Variants in RSRC1 observed in about 807,000 individuals in gnomAD.
The protein encoded by RSRC1 is serine/Arginine-related protein 53.
A neutral mutation model predicts 49.1 loss-of-function variants in RSRC1; 39 were observed. The ratio of observed to expected loss-of-function variants is 0.79; its 90% confidence interval spans 0.61 to 1.04. The LOEUF is 1.04. Ranked by LOEUF, RSRC1 falls within the 50% of genes least tolerant of loss-of-function variation. The pLI, the probability that RSRC1 is intolerant of heterozygous loss-of-function variation, is 0.00. For synonymous variants in RSRC1, 143 were observed against 130.8 expected (o/e 1.09, Z -0.63); for missense variants, 388 against 402.4 (o/e 0.96, Z 0.31).
intron 6 of RSRC1, among the ~76,000 whole-genome samples, chr3:158,416,862 A>G (rs920978394): frequency 2.6e-5 from 4 of 152,156 alleles, no homozygotes; most frequent in East Asian, 1.9e-4. Context: ...TTTAAAGCCA[A>G]TTAGTATTTT....
intron 1 of RSRC1, among the ~76,000 whole-genome samples, chr3:158,117,377 G>A (rs1714903488): frequency 6.6e-6 from 1 of 152,186 alleles, no homozygotes; most frequent in African/African-American, 2.4e-5. Context: ...GCTCACTGCA[G>A]CCTGGACCTT....
chr3:158,430,229 A>G (rs1044436708), intron 6 of RSRC1, among the ~76,000 whole-genome samples: 1 of 151,794 alleles, frequency 6.6e-6, no homozygotes, highest in African/African-American at 2.4e-5. Context: ...ACTTTTTTGC[A>G]TCATTTATCT....
chr3:158,310,040 G>C (rs1200809208), intron 5 of RSRC1, among the ~76,000 whole-genome samples: 1 of 151,594 alleles, frequency 6.6e-6, no homozygotes, highest in Non-Finnish European at 1.5e-5. Flanking sequence ...AAGTTAGATG[G>C]TAAGATACTA....
At chr3:158,526,652 A>T (rs1421340374) in intron 7 of RSRC1, among the ~76,000 whole-genome samples, 1 of 151,950 alleles carries the variant, frequency 6.6e-6, no homozygotes, top group African/African-American at 2.4e-5. Context: ...TTAATTTCCT[A>T]TTTCTGAACC....
At chr3:158,332,393 G>A (rs750784187) in intron 5 of RSRC1, among the ~76,000 whole-genome samples, 3 of 151,388 alleles carry the variant, frequency 2.0e-5, no homozygotes, top group Non-Finnish European at 4.4e-5. Flanking sequence ...GTCTCCTGGG[G>A]CAAAAAACTG....
intron 7 of RSRC1, among the ~76,000 whole-genome samples, chr3:158,490,389 A>C (rs1325640490): frequency 1.3e-5 from 2 of 152,120 alleles, no homozygotes; most frequent in Non-Finnish European, 2.9e-5. Context: ...GGGCCCCTTC[A>C]ATTTTTTTAA....
intron 3 of RSRC1, among the ~76,000 whole-genome samples, chr3:158,134,799 A>G (rs1462272941): frequency 1.2e-4 from 18 of 152,340 alleles, no homozygotes; most frequent in Admixed American, 1.2e-3. Context: ...TTAACTTTTA[A>G]TTATATAGTC....
intron 3 of RSRC1, among the ~76,000 whole-genome samples, chr3:158,154,100 A>G (rs1420816199): frequency 2.6e-5 from 4 of 152,240 alleles, no homozygotes; most frequent in African/African-American, 4.8e-5. Context: ...AAAGCAAGTC[A>G]TATGAATTTT....
intron 4 of RSRC1, among the ~76,000 whole-genome samples, chr3:158,233,774 C>T (rs1426866114): frequency 2.0e-5 from 3 of 152,156 alleles, no homozygotes; most frequent in Non-Finnish European, 4.4e-5. Context: ...CCCAACATCA[C>T]CATGAATTTC....
intron 3 of RSRC1, among the ~76,000 whole-genome samples, chr3:158,191,837 T>G (rs1720262366): frequency 6.6e-6 from 1 of 152,038 alleles, no homozygotes; most frequent in African/African-American, 2.4e-5. Context: ...AACTTGTACT[T>G]TCTTCTTGAG....
chr3:158,260,375 T>C (rs1724821971), intron 4 of RSRC1, among the ~76,000 whole-genome samples: 1 of 152,154 alleles, frequency 6.6e-6, no homozygotes. Context: ...TGGCCTGGAA[T>C]GGGGGCCTCA....
At chr3:158,237,874 G>A (rs924578639) in intron 4 of RSRC1, among the ~76,000 whole-genome samples, 2 of 152,148 alleles carry the variant, frequency 1.3e-5, no homozygotes, top group Admixed American at 6.6e-5. Flanking sequence ...GGGCATTGCT[G>A]TCTTGTGCCA....
chr3:158,479,648 C>T (rs1446750995), intron 7 of RSRC1, among the ~76,000 whole-genome samples: 7 of 151,942 alleles, frequency 4.6e-5, no homozygotes, highest in East Asian at 1.9e-4. Flanking sequence ...TGACCTTACT[C>T]GGAATAGTTA....
At chr3:158,494,701 A>C (rs2108451352) in intron 7 of RSRC1, among the ~76,000 whole-genome samples, 1 of 152,214 alleles carries the variant, frequency 6.6e-6, no homozygotes, top group South Asian at 2.1e-4. Flanking sequence ...GTTTTTTTTA[A>C]CTGTTTTAAC....
chr3:158,300,465 G>T (rs965729204), intron 5 of RSRC1, among the ~76,000 whole-genome samples: 2 of 151,986 alleles, frequency 1.3e-5, no homozygotes, highest in African/African-American at 4.8e-5. Flanking sequence ...GCCTAAAATG[G>T]AGCTAAACTC....
At chr3:158,155,002 A>G (rs76994862) in intron 3 of RSRC1, among the ~76,000 whole-genome samples, 1 of 152,036 alleles carries the variant, frequency 6.6e-6, no homozygotes, top group Non-Finnish European at 1.5e-5. Context: ...TCCACTTCTA[A>G]TTCTGTTTTT....
chr3:158,246,583 T>C (rs1479614879), intron 4 of RSRC1, among the ~76,000 whole-genome samples: 1 of 152,178 alleles, frequency 6.6e-6, no homozygotes, highest in Non-Finnish European at 1.5e-5. Flanking sequence ...CTGGTGGTAA[T>C]GAATTCTCTC....
At chr3:158,367,167 A>G (rs985946696) in intron 6 of RSRC1, among the ~76,000 whole-genome samples, 2 of 151,938 alleles carry the variant, frequency 1.3e-5, no homozygotes, top group Non-Finnish European at 2.9e-5. Context: ...ACCTTCCAAT[A>G]CTTTGTTGAA....
At chr3:158,332,937 T>A (rs1729636428) in intron 5 of RSRC1, among the ~76,000 whole-genome samples, 1 of 151,846 alleles carries the variant, frequency 6.6e-6, no homozygotes, top group African/African-American at 2.4e-5. Context: ...ATTTATTTAA[T>A]CATTTTTCTC....
Sources: gnomAD v4.1 joint callset for allele counts (sites outside exome capture counted in the v4.1 genomes callset) on GRCh38, gnomAD v4.1.1 for gene constraint, MANE v1.5 for transcripts, NCBI Gene and HGNC (gene_info 2026-07-23, HGNC 2026-07-21) for gene names.